The following DNAJC15 variants were observed in gnomAD, a reference collection of about 807,000 sequenced individuals.
The protein encoded by DNAJC15 is DnaJ heat shock protein family (Hsp40) member C15, also known as dnaJ homolog subfamily C member 15.
A neutral mutation model predicts 22.4 loss-of-function variants in DNAJC15; 27 were observed. The ratio of observed to expected loss-of-function variants is 1.20; its 90% CI spans 0.89 to 1.66. The LOEUF (loss-of-function observed/expected upper bound fraction) is 1.66, where lower values mean the gene tolerates loss of function less well. Among genes scored for constraint, DNAJC15 ranks in the 40% most tolerant of loss-of-function variants. The pLI, the probability that DNAJC15 is intolerant of heterozygous loss-of-function variation, is 0.00. For missense variants in DNAJC15, 208 were observed against 187.1 expected (o/e 1.11, Z -0.65); for synonymous variants, 79 against 63.2 (o/e 1.25, Z -1.19).
chr13:43,101,499 T>A (rs1207169159), intron 5 of DNAJC15, among the ~76,000 whole-genome samples: 3 of 152,210 alleles, frequency 2.0e-5, no homozygotes, highest in Non-Finnish European at 2.9e-5. Context: ...TTTCTGAGAT[T>A]TTGGTGCACT....
At position 43,108,800 on chromosome 13, in the gene DNAJC15, A is replaced by T. The variant is rs1322757397; in HGVS notation, c.*1552A>T. The stretch of plus-strand genomic sequence containing the variant: ...ATCGCCCCCAGTTGAGAACCATTTC[A>T]GTAAAACTTTAATTACTATTTTTTC... On this transcript the variant is annotated 3_prime_UTR_variant, in exon 6 of 6. Transcript: ENST00000379221. The T allele has an allele frequency of 6.6e-6, 1 of 152,242 alleles. No homozygotes were observed. The highest frequency in any genetic ancestry group is 1.9e-4 in the East Asian group (1 of 5,202). The allele number at this position is 152,242 out of a possible 1,614,324, so 9.4% of individuals were successfully genotyped here. A position where few individuals can be genotyped will look rare whatever the true frequency, so the allele number is the denominator to read the frequency against.
chr13:43,066,440 C>CTA lies in DNAJC15; in HGVS notation c.160+704_160+705insAT, dbSNP rs1395462898. Among the ~76,000 whole-genome samples the CTA allele has an allele frequency of 2.0e-5, 3 of 152,176 alleles. No homozygotes were observed. The East Asian group carries it at 5.8e-4, about 29-fold the overall frequency. On this transcript the variant is annotated intron_variant, in intron 2 of 5. Transcript: ENST00000379221. ...GTCTGACTGTCACTCTCCTCCTTCT[C>CTA]TCTTAAAAAGATTTTGTGATTACAC...
chr13:43,023,790 AG>A, intron 1 of DNAJC15, 56 bp downstream of exon 1: 1 of 1,480,158 alleles, frequency 6.8e-7, no homozygotes, highest in Non-Finnish European at 9.2e-7. Flanking sequence ...TTTCTGCTTC[AG>A]CCCCCTCTAC....
At chr13:43,041,171 ACG>A (rs1468709566) in intron 1 of DNAJC15, among the ~76,000 whole-genome samples, 6 of 152,168 alleles carry the variant, frequency 3.9e-5, no homozygotes, top group African/African-American at 1.4e-4. Context: ...GAAACCTTGG[ACG>A]ATACCTGGCT....
chr13:43,082,844 CTATA>C (rs3043164), intron 4 of DNAJC15, among the ~76,000 whole-genome samples: 4 of 124,430 alleles, frequency 3.2e-5, no homozygotes, highest in Admixed American at 7.6e-5. Context: ...GAACATTCAC[CTATA>C]TATATATATA....
In DNAJC15 at chr13:43,109,115, A is replaced by G. The variant is rs1488324095; in HGVS notation, c.*1867A>G. 1.3e-5 allele frequency: 2 copies of G among 152,184 alleles called. No homozygotes were observed. Among genetic ancestry groups the G allele is most frequent in the African/African-American group, 4.8e-5 (2 of 41,428 alleles). 9.4% of individuals were successfully genotyped at this position (152,184 alleles called of 1,614,324 possible). On this transcript the variant is annotated 3_prime_UTR_variant, in exon 6 of 6. Coordinates refer to ENST00000379221, the MANE Select transcript of DNAJC15 (RefSeq NM_013238.3). ...TCAGCTTTCTGAGAGCAGGCATTGT[A>G]TCTGTCTTGTTTGGTGTTACATTGG...
rs2040829636 is a variant in DNAJC15, at chr13:43,112,501, A to G, written c.*5253A>G. The G allele has an allele frequency of 2.0e-5, 3 of 152,248 alleles. No homozygotes were observed. In the South Asian group the frequency reaches 6.2e-4, roughly 31 times the overall value. The allele number at this position is 152,248 out of a possible 1,614,324, so 9.4% of individuals were successfully genotyped here. On this transcript the variant is annotated 3_prime_UTR_variant, in exon 6 of 6. Transcript: ENST00000379221. The stretch of plus-strand genomic sequence containing the variant: ...AAACTTCAATTATGACAGGATAAAA[A>G]TCACATAGAGATATTGGTTCAATAT...
chr13:43,087,207 A>C (rs567016007), intron 5 of DNAJC15, among the ~76,000 whole-genome samples: 1 of 152,312 alleles, frequency 6.6e-6, no homozygotes, highest in Non-Finnish European at 1.5e-5. Flanking sequence ...CCCTCTGAGA[A>C]TATATTGACA....
At chr13:43,023,757 A>ACCCCTCTCTGGCTCCCTT in intron 1 of DNAJC15, 23 bp downstream of exon 1, 1 of 1,580,704 alleles carries the variant, frequency 6.3e-7, no homozygotes, top group South Asian at 1.1e-5. Context: ...AGCGGCCCCC[A>ACCCCTCTCTGGCTCCCTT]CCCCTCTCTG....
intron 3 of DNAJC15, among the ~76,000 whole-genome samples, chr13:43,074,858 T>A (rs2040625462): frequency 6.6e-6 from 1 of 151,264 alleles, no homozygotes; most frequent in African/African-American, 2.5e-5. Context: ...TTAATCATGA[T>A]TTTAAAAAAT....
At chr13:43,083,341 G>A (rs1477706907) in intron 4 of DNAJC15, among the ~76,000 whole-genome samples, 1 of 151,862 alleles carries the variant, frequency 6.6e-6, no homozygotes, top group Admixed American at 6.6e-5. Flanking sequence ...CTAATTTTTT[G>A]TAGTTTTAGT....
rs537558030 is a variant in DNAJC15 at position 43,024,375 on chromosome 13, G to A, written c.108+641G>A. Among the ~76,000 whole-genome samples the A allele has an allele frequency of 5.0e-5, 6 of 120,176 alleles. No homozygotes were observed. In the South Asian group the frequency reaches 1.1e-3, roughly 21 times the overall value. The allele number at this position is 120,176 out of a possible 152,430, so 78.8% of individuals were successfully genotyped here. ...TTTTTTTTTTTTGAGACGGAGTCTCGCTCTGTCGCCCAGGCTGGAGTGCAG... is the reference window on the plus strand; with the variant it reads ...TTTTTTTTTTTTGAGACGGAGTCTCACTCTGTCGCCCAGGCTGGAGTGCAG... On this transcript the variant is annotated intron_variant, in intron 1 of 5. Transcript: ENST00000379221.
At chr13:43,090,980 T>C (rs1271664370) in intron 5 of DNAJC15, among the ~76,000 whole-genome samples, 1 of 152,128 alleles carries the variant, frequency 6.6e-6, no homozygotes, top group Non-Finnish European at 1.5e-5. Flanking sequence ...ATTAGTCTTA[T>C]TTCTAGGTAT....
chr13:43,084,850 C>T (rs954382414), intron 4 of DNAJC15, among the ~76,000 whole-genome samples: 1 of 152,056 alleles, frequency 6.6e-6, no homozygotes, highest in Non-Finnish European at 1.5e-5. Context: ...AGCTAAATAA[C>T]TATGAGACAT....
intron 1 of DNAJC15, among the ~76,000 whole-genome samples, chr13:43,059,289 A>G (rs1213173619): frequency 6.6e-6 from 1 of 152,250 alleles, no homozygotes; most frequent in Non-Finnish European, 1.5e-5. Flanking sequence ...AAAGTAAAAT[A>G]TATGTGACAG....
rs974698904 is a variant in DNAJC15, at chr13:43,112,945, G to T, written c.*5697G>T. ...GATCCAGTGTCATTGTGCATCATGG[G>T]CAAGGAGTACCTAATCTCTTTAATT... On this transcript the variant is annotated 3_prime_UTR_variant, in exon 6 of 6. Coordinates refer to ENST00000379221, the MANE Select transcript of DNAJC15 (RefSeq NM_013238.3). The T allele has an allele frequency of 6.6e-6, 1 of 152,188 alleles. No homozygotes were observed. The highest frequency in any genetic ancestry group is 1.5e-5 in the Non-Finnish European group (1 of 68,028). 9.4% of individuals were successfully genotyped at this position (152,188 alleles called of 1,614,324 possible). A position where few individuals can be genotyped will look rare whatever the true frequency, so the allele number is the denominator to read the frequency against.
intron 1 of DNAJC15, among the ~76,000 whole-genome samples, chr13:43,044,171 A>G (rs2040466023): frequency 6.6e-6 from 1 of 152,090 alleles, no homozygotes; most frequent in South Asian, 2.1e-4. Flanking sequence ...AAATTCAAAG[A>G]GTTTTCTTTG....
At chr13:43,071,427 C>T (rs1164061530) in intron 3 of DNAJC15, among the ~76,000 whole-genome samples, 2 of 152,120 alleles carry the variant, frequency 1.3e-5, no homozygotes, top group Admixed American at 1.3e-4. Context: ...AAGTGCTACT[C>T]TTAAGAGTTT....
At chr13:43,094,306 T>C (rs1351437639) in intron 5 of DNAJC15, among the ~76,000 whole-genome samples, 3 of 152,230 alleles carry the variant, frequency 2.0e-5, no homozygotes, top group African/African-American at 7.2e-5. Flanking sequence ...TTTCTAAAGA[T>C]GTGGTCCCCA....
Sources: gnomAD v4.1 joint callset for allele counts (sites outside exome capture counted in the v4.1 genomes callset) on GRCh38, gnomAD v4.1.1 for gene constraint, MANE v1.5 for transcripts, NCBI Gene and HGNC (gene_info 2026-07-23, HGNC 2026-07-21) for gene names.